BANP: variants seen among roughly 807,000 people sequenced by gnomAD.
BANP encodes the protein BTG3 associated nuclear protein.
In BANP, 11 loss-of-function variants were observed where a neutral mutation model predicts 68.1. The observed-to-expected ratio is 0.16, with a 90% CI of 0.10 to 0.27. BANP has a LOEUF of 0.27. Among genes scored for constraint, BANP ranks in the 10% least tolerant of loss-of-function variants. The pLI, the probability that BANP is intolerant of heterozygous loss-of-function variation, is 1.00. For missense variants in BANP, 504 were observed against 722.7 expected (o/e 0.70, Z 3.47); for synonymous variants, 329 against 303.2 (o/e 1.09, Z -0.88).
At chr16:87,995,399 C>G (rs1375336112) in intron 4 of BANP, among the ~76,000 whole-genome samples, 1 of 152,152 alleles carries the variant, frequency 6.6e-6, no homozygotes, top group African/African-American at 2.4e-5. Context: ...GCATAAATGT[C>G]CATGGGAGAA....
Position 88,004,269 on chromosome 16 carries a change from T to A in BANP, c.363-26T>A. 2 of 1,381,284 alleles carry A rather than the reference T, an allele frequency of 1.4e-6. No homozygotes were observed. Among genetic ancestry groups the A allele is most frequent in the Non-Finnish European group, 2.0e-6 (2 of 993,398 alleles). The allele number at this position is 1,381,284 out of a possible 1,614,324, so 85.6% of individuals were successfully genotyped here. On this transcript the variant is annotated intron_variant, in intron 4 of 13. Coordinates refer to ENST00000682872, the MANE Select transcript of BANP (RefSeq NM_001386991.1). This position sits in a 1 kb window ranked among gnomAD's most constrained non-coding sequence, Gnocchi z 7.0. ...ATGTTGTTGTTTTAAGGCCTTCTTTTTCTTTGTGATTCTTTTGTTCCCTAG... is the reference window on the plus strand; with the variant it reads ...ATGTTGTTGTTTTAAGGCCTTCTTTATCTTTGTGATTCTTTTGTTCCCTAG...
intron 4 of BANP, among the ~76,000 whole-genome samples, chr16:87,986,663 CAT>C (rs1396802851): frequency 6.6e-6 from 1 of 152,244 alleles, no homozygotes; most frequent in African/African-American, 2.4e-5. Context: ...CTCATGAAAA[CAT>C]GTGATGTTAG....
chr16:87,991,392 A>G (rs189466717), intron 4 of BANP, among the ~76,000 whole-genome samples: 67 of 152,386 alleles, frequency 4.4e-4, no homozygotes, highest in African/African-American at 1.5e-3. Context: ...TGTAATGATT[A>G]TGCACATTCT....
At chr16:87,958,585 T>G (rs1457133121) in intron 1 of BANP, among the ~76,000 whole-genome samples, 1 of 87,876 alleles carries the variant, frequency 1.1e-5, no homozygotes, top group Non-Finnish European at 2.3e-5. Context: ...CTCCCAGCGC[T>G]TTGGGAAGCG....
intron 3 of BANP, among the ~76,000 whole-genome samples, chr16:87,983,853 T>G (rs1253751543): frequency 3.9e-5 from 6 of 152,208 alleles, no homozygotes; most frequent in African/African-American, 1.4e-4. Flanking sequence ...TCATCACATT[T>G]GAAACAGGAC....
rs750667096 is a variant in BANP at position 88,003,834 on chromosome 16, C to G, written c.363-461C>G. On this transcript the variant is annotated intron_variant, in intron 4 of 13. Coordinates refer to ENST00000682872, the MANE Select transcript of BANP (RefSeq NM_001386991.1). The surrounding 1 kb of genome is among the most constrained non-coding windows in gnomAD (Gnocchi z 6.1). ...AGGGCGCTACCGTTTTGGAATGATACCAACACTTACGTGGTTACGAACGTT... is the reference window on the plus strand; with the variant it reads ...AGGGCGCTACCGTTTTGGAATGATAGCAACACTTACGTGGTTACGAACGTT... The G allele has an allele frequency of 2.6e-5, 8 of 305,876 alleles. No homozygotes were observed. The highest frequency in any genetic ancestry group is 1.4e-4 in the South Asian group (5 of 34,868). The allele number at this position is 305,876 out of a possible 1,614,324, so 18.9% of individuals were successfully genotyped here.
intron 1 of BANP, among the ~76,000 whole-genome samples, chr16:87,973,753 CA>C (rs58334556): frequency 0.083 from 8,193 of 98,284 alleles, 114 homozygotes; most frequent in South Asian, 0.11. Context: ...AACTCCATCA[CA>C]AAAAAAAAAA....
Position 88,072,208 on chromosome 16 carries a change from C to T in BANP, c.1517C>T (p.Ala506Val). ...CCAGTGAGTGACCACACGGCCGGGG[C>T]ACAGGTGAGTCTGGGGCCCCGCGCC... Reference protein sequence around the residue: ...LAPVSDHTAGAQTAEALQPTL... With the variant: ...LAPVSDHTAGVQTAEALQPTL... Residue 506 changes from alanine to valine, a missense_variant, in exon 13 of 14, where the codon GCA becomes GTA. Physicochemically the swap from Ala to Val is moderately conservative, Grantham distance 64. Transcript: ENST00000682872. 3 of 1,609,300 alleles carry T rather than the reference C, an allele frequency of 1.9e-6. No individual in the cohort carries two copies. Among genetic ancestry groups the T allele is most frequent in the African/African-American group, 1.3e-5 (1 of 74,982 alleles).
At chr16:87,964,277 G>C (rs1377066751) in intron 1 of BANP, among the ~76,000 whole-genome samples, 1 of 152,280 alleles carries the variant, frequency 6.6e-6, no homozygotes, top group Non-Finnish European at 1.5e-5. Context: ...GTGCGGGCCA[G>C]GCCCGGTGCC....
At chr16:88,046,068 C>T (rs1323471356) in intron 11 of BANP, among the ~76,000 whole-genome samples, 3 of 152,250 alleles carry the variant, frequency 2.0e-5, no homozygotes, top group Non-Finnish European at 4.4e-5. Flanking sequence ...CACACTGGCA[C>T]TGGTGCCCAG....
intron 6 of BANP, among the ~76,000 whole-genome samples, chr16:88,016,364 A>T (rs2074555950): frequency 6.6e-6 from 1 of 152,210 alleles, no homozygotes; most frequent in Non-Finnish European, 1.5e-5. Flanking sequence ...CATGGAGTCC[A>T]TGACCATCTC....
At position 87,975,285 on chromosome 16, in the gene BANP, G is replaced by A. The variant is rs1225849825; in HGVS notation, c.70+100G>A. On this transcript the variant is annotated intron_variant, in intron 2 of 13. Coordinates refer to ENST00000682872, the MANE Select transcript of BANP (RefSeq NM_001386991.1). ...TTCTTTCCTTTAAGCAGAAGAAAAA[G>A]TAATGCATGCTGCGTATGAAAAGTT... 5.1e-6 allele frequency: 6 copies of A among 1,177,204 alleles called. No homozygotes were observed. In the East Asian group the frequency reaches 1.5e-4, roughly 29 times the overall value. The allele number at this position is 1,177,204 out of a possible 1,614,324, so 72.9% of individuals were successfully genotyped here. A position where few individuals can be genotyped will look rare whatever the true frequency, so the allele number is the denominator to read the frequency against.
chr16:87,974,019 G>T (rs1031302007), intron 1 of BANP, among the ~76,000 whole-genome samples: 3 of 152,168 alleles, frequency 2.0e-5, no homozygotes, highest in African/African-American at 7.2e-5. Flanking sequence ...ACAGTGAACG[G>T]ACTCTTCCTG....
At chr16:88,034,382 G>C (rs1418407346) in intron 9 of BANP, among the ~76,000 whole-genome samples, 1 of 152,174 alleles carries the variant, frequency 6.6e-6, no homozygotes, top group Admixed American at 6.5e-5. Flanking sequence ...GACTAAGAGA[G>C]AATTTCAAAT....
intron 11 of BANP, among the ~76,000 whole-genome samples, chr16:88,045,969 G>C (rs538311245): frequency 1.3e-5 from 2 of 152,234 alleles, no homozygotes; most frequent in Non-Finnish European, 2.9e-5. Flanking sequence ...CGGCCCACCT[G>C]GCACTCACCA....
In BANP at chr16:88,033,171, G is replaced by T. The variant is rs1181211387; in HGVS notation, c.1126G>T (p.Ala376Ser). The stretch of plus-strand genomic sequence containing the variant: ...CCCGCAGCCACAGCCGCAGCCGCAG[G>T]CCCTGCACTACGCGCTGGCCAACGC... ...ELPQPQPQPQ[A>S]LHYALANAQQ... The change falls in exon 9 of 14, where the codon GCC (alanine) becomes TCC (serine). Residue 376 changes from alanine (A) to serine (S), a missense_variant. Transcript: ENST00000682872. 6.2e-7 allele frequency: 1 copy of T among 1,611,738 alleles called. No homozygotes were observed. Among genetic ancestry groups the T allele is most frequent in the African/African-American group, 1.3e-5 (1 of 74,908 alleles).
chr16:88,067,912 A>G (rs1488987504), intron 12 of BANP, among the ~76,000 whole-genome samples: 3 of 152,154 alleles, frequency 2.0e-5, no homozygotes, highest in Non-Finnish European at 4.4e-5. Context: ...TACACGTTGC[A>G]CGGGGCCTCC....
chr16:88,021,472 A>G (rs1366748155), intron 7 of BANP, among the ~76,000 whole-genome samples: 3 of 152,168 alleles, frequency 2.0e-5, no homozygotes, highest in Non-Finnish European at 4.4e-5. Flanking sequence ...GCCTGTCCAC[A>G]GGGCCGTGTG....
At chr16:88,005,027 T>C (rs1462908256) in intron 5 of BANP, among the ~76,000 whole-genome samples, 3 of 152,186 alleles carry the variant, frequency 2.0e-5, no homozygotes, top group Admixed American at 6.5e-5. Context: ...TTCCCATCTG[T>C]GTCTTCACAA....
Sources: allele counts gnomAD v4.1 joint callset (sites outside exome capture counted in the v4.1 genomes callset), GRCh38; gene constraint gnomAD v4.1.1; non-coding constraint Gnocchi (gnomAD v3.1); transcripts MANE v1.5; gene names NCBI Gene and HGNC (gene_info 2026-07-23, HGNC 2026-07-21).